The following WDSUB1 variants were observed in gnomAD, a reference collection of about 807,000 sequenced individuals.
WDSUB1 encodes WD repeat, sterile alpha motif and U-box domain containing 1.
Under a neutral mutation model 53.9 loss-of-function variants are expected in WDSUB1, and 49 were observed. That is an observed-to-expected ratio of 0.91 (90% CI 0.72 to 1.15). The LOEUF (loss-of-function observed/expected upper bound fraction) is 1.15, where lower values mean the gene tolerates loss of function less well. Ranked by LOEUF, WDSUB1 falls within the 50% of genes most tolerant of loss-of-function variation. WDSUB1 has a pLI of 0.00. For missense variants in WDSUB1, 514 were observed against 562.0 expected, an observed-to-expected ratio of 0.91 and a Z score of 0.86; for synonymous variants, 194 against 200.6, an observed-to-expected ratio of 0.97 and a Z score of 0.28.
At chr2:159,251,831 C>T (rs1226338372) in intron 9 of WDSUB1, among the ~76,000 whole-genome samples, 4 of 152,126 alleles carry the variant, frequency 2.6e-5, no homozygotes, top group Non-Finnish European at 4.4e-5. Flanking sequence ...AAACCTCTGA[C>T]GAAACAGAAG....
At chr2:159,260,397 G>A (rs1490082264) in intron 5 of WDSUB1, among the ~76,000 whole-genome samples, 1 of 148,396 alleles carries the variant, frequency 6.7e-6, no homozygotes, top group Non-Finnish European at 1.5e-5. Flanking sequence ...ACCATGAACA[G>A]AACAAGCATC....
At chr2:159,247,854 CAT>C (rs2060834282) in intron 10 of WDSUB1, among the ~76,000 whole-genome samples, 2 of 128,112 alleles carry the variant, frequency 1.6e-5, no homozygotes. Flanking sequence ...TATTCAGAAA[CAT>C]ATAAGGAAGC....
intron 5 of WDSUB1, among the ~76,000 whole-genome samples, chr2:159,262,343 C>T (rs907693338): frequency 1.3e-5 from 2 of 151,946 alleles, no homozygotes; most frequent in African/African-American, 2.4e-5. Context: ...AACACAGCCC[C>T]GAACAAAAAT....
intron 2 of WDSUB1, among the ~76,000 whole-genome samples, chr2:159,281,271 CTCAG>C (rs1195993507): frequency 6.6e-6 from 1 of 151,844 alleles, no homozygotes; most frequent in Admixed American, 6.6e-5. Context: ...GACAGGGTCA[CTCAG>C]TCACTCAGGC....
At chr2:159,252,711 G>A (rs1037294485) in intron 9 of WDSUB1, among the ~76,000 whole-genome samples, 3 of 152,108 alleles carry the variant, frequency 2.0e-5, no homozygotes, top group African/African-American at 4.8e-5. Context: ...TCTACATAAC[G>A]AATTAATAAG....
intron 5 of WDSUB1, among the ~76,000 whole-genome samples, chr2:159,261,847 CATATATATATATATATATATATATAT>C (rs1168507779): frequency 0.056 from 3,013 of 54,156 alleles, 206 homozygotes; most frequent in East Asian, 0.15. Context: ...AACTGAAACT[CATATATATATATATATATATATATAT>C]ATATATATAT....
chr2:159,241,719 C>T lies in WDSUB1; in HGVS notation c.1274-5529G>A, dbSNP rs115109062. On this transcript the variant is annotated intron_variant, in intron 10 of 10. Coordinates refer to ENST00000359774, the MANE Select transcript of WDSUB1 (RefSeq NM_001128212.3). ...CATGACTGGGGATGTTTTCTTTTTT[C>T]TTTTTTTTTTTGAGATGGAGTCTCA... 3.8e-4 allele frequency among the ~76,000 whole-genome samples: 49 copies of T among 130,364 alleles called. 1 individual carries two copies. Among genetic ancestry groups the T allele is most frequent in the Non-Finnish European group, 6.2e-4 (39 of 63,088 alleles). 85.5% of individuals were successfully genotyped at this position (130,364 alleles called of 152,430 possible). A position where few individuals can be genotyped will look rare whatever the true frequency, so the allele number is the denominator to read the frequency against.
chr2:159,242,596 A>G (rs763201133), intron 10 of WDSUB1, among the ~76,000 whole-genome samples: 28 of 147,798 alleles, frequency 1.9e-4, no homozygotes, highest in Non-Finnish European at 3.7e-4. Context: ...CAGAGGTTGC[A>G]GTGAGCCAAG....
chr2:159,274,360 C>G (rs1043326225), intron 4 of WDSUB1, among the ~76,000 whole-genome samples: 21 of 151,970 alleles, frequency 1.4e-4, no homozygotes, highest in Non-Finnish European at 2.2e-4. Flanking sequence ...AAAAATTAGC[C>G]AGGGCAAGAC....
intron 5 of WDSUB1, among the ~76,000 whole-genome samples, chr2:159,264,579 C>T (rs1026879474): frequency 4.6e-5 from 7 of 152,130 alleles, no homozygotes; most frequent in Non-Finnish European, 7.4e-5. Context: ...TCATGCCTAG[C>T]GGAAAATAAA....
At chr2:159,266,652 A>G (rs998812854) in intron 5 of WDSUB1, among the ~76,000 whole-genome samples, 7 of 152,196 alleles carry the variant, frequency 4.6e-5, no homozygotes, top group Non-Finnish European at 5.9e-5. Context: ...ATCTCTAGAC[A>G]CTAGTCTCCT....
At chr2:159,247,788 G>A (rs1435353102) in intron 10 of WDSUB1, among the ~76,000 whole-genome samples, 2 of 148,002 alleles carry the variant, frequency 1.4e-5, no homozygotes, top group Admixed American at 7.0e-5. Flanking sequence ...CAGCCACAAT[G>A]GGATAAAGCT....
At chr2:159,260,509 G>A (rs2061166109) in intron 5 of WDSUB1, among the ~76,000 whole-genome samples, 3 of 152,192 alleles carry the variant, frequency 2.0e-5, no homozygotes, top group Admixed American at 2.0e-4. Flanking sequence ...GTTTCAGATA[G>A]CACTATTCTT....
At position 159,239,033 on chromosome 2, in the gene WDSUB1, ACT is replaced by A. The variant is rs2060568610; in HGVS notation, c.1274-2845_1274-2844del. The stretch of plus-strand genomic sequence containing the variant: ...TGGTTTTTTTCTAAGATAGGGTCTC[ACT>A]CTGTCACCCAGGCTAGAGTCCAGTG... On this transcript the variant is annotated intron_variant, in intron 10 of 10. Transcript: ENST00000359774. Among the ~76,000 whole-genome samples the A allele has an allele frequency of 2.0e-5, 3 of 151,684 alleles. No homozygotes were observed. The South Asian group carries it at 6.3e-4, about 32-fold the overall frequency.
chr2:159,264,954 G>A (rs1051204992), intron 5 of WDSUB1, among the ~76,000 whole-genome samples: 10 of 151,760 alleles, frequency 6.6e-5, no homozygotes, highest in African/African-American at 2.4e-4. Context: ...CATGGTCGCG[G>A]GCACCTGTAA....
chr2:159,285,486 A>T (rs78712300), intron 1 of WDSUB1, among the ~76,000 whole-genome samples: 22,720 of 152,006 alleles, frequency 0.15, 3,403 homozygotes, highest in African/African-American at 0.38. Context: ...TGGGTGGAAC[A>T]CTTGAGCCCA....
intron 5 of WDSUB1, among the ~76,000 whole-genome samples, chr2:159,268,667 T>C (rs1331292526): frequency 6.6e-6 from 1 of 152,206 alleles, no homozygotes; most frequent in Non-Finnish European, 1.5e-5. Flanking sequence ...CAGGAAAGTT[T>C]TAGAAAATCT....
intron 10 of WDSUB1, among the ~76,000 whole-genome samples, chr2:159,246,249 T>G (rs1374345839): frequency 2.0e-5 from 3 of 151,782 alleles, no homozygotes; most frequent in African/African-American, 4.8e-5. Flanking sequence ...TGGCTAACAC[T>G]GTGAAACCCC....
In WDSUB1 at chr2:159,282,740, C is replaced by T. The variant is rs750124300; in HGVS notation, c.330G>A (p.Thr110=). The T allele has an allele frequency of 9.9e-6, 16 of 1,613,982 alleles. No individual in the cohort carries two copies. In the East Asian group the frequency reaches 1.8e-4, roughly 18 times the overall value. The change falls in exon 2 of 11, where the codon ACG becomes ACA. Residue 110 remains threonine (T), a synonymous_variant. Transcript: ENST00000359774. The stretch of plus-strand genomic sequence containing the variant: ...CATCAGCTGCCCCTGATGCCAAACA[C>T]GTGGAGTCTGGGGAAAACTGGCAAA... ...VRVCQFSPDS[T]CLASGAADGT... is the part of the protein sequence containing the mutation.
Sources: allele counts gnomAD v4.1 joint callset (sites outside exome capture counted in the v4.1 genomes callset), GRCh38; gene constraint gnomAD v4.1.1; transcripts MANE v1.5; gene names NCBI Gene and HGNC (gene_info 2026-07-23, HGNC 2026-07-21).